The following PTPRT variants were observed in gnomAD, a reference collection of about 807,000 sequenced individuals.
PTPRT encodes protein tyrosine phosphatase receptor type T.
PTPRT carries 56 observed loss-of-function variants against 176.8 expected under a neutral mutation model. That is an observed-to-expected ratio of 0.32 (90% CI 0.26 to 0.40). PTPRT has a LOEUF of 0.40. PTPRT is among the 10% of genes least tolerant of loss of function. The pLI, the probability that PTPRT is intolerant of heterozygous loss-of-function variation, is 1.00. For missense variants in PTPRT, 1,540 were observed against 1,908.2 expected, an observed-to-expected ratio of 0.81 and a Z score of 3.60; for synonymous variants, 783 against 739.0, an observed-to-expected ratio of 1.06 and a Z score of -0.96.
chr20:42,703,716 T>G (rs1048559253), intron 6 of PTPRT, among the ~76,000 whole-genome samples: 2 of 152,188 alleles, frequency 1.3e-5, no homozygotes, highest in African/African-American at 4.8e-5. Context: ...TCCAAGGCCA[T>G]ACAAGAATCC....
chr20:42,764,006 G>T (rs1263842815), intron 5 of PTPRT, among the ~76,000 whole-genome samples: 1 of 152,186 alleles, frequency 6.6e-6, no homozygotes, highest in Non-Finnish European at 1.5e-5. Flanking sequence ...CTCTGACCCA[G>T]AAGTTTCATG....
the PTPRT span, among the ~76,000 whole-genome samples, chr20:42,032,285 C>T: frequency 6.6e-6 from 1 of 152,042 alleles, no homozygotes; most frequent in Non-Finnish European, 1.5e-5. Flanking sequence ...TGATGGTCAT[C>T]CCAAAACATA....
At chr20:42,432,354 C>A (rs6093642) in intron 9 of PTPRT, among the ~76,000 whole-genome samples, 1 of 152,208 alleles carries the variant, frequency 6.6e-6, no homozygotes, top group Non-Finnish European at 1.5e-5. Context: ...CCTCAGAGAC[C>A]TGAGACCACT....
intron 13 of PTPRT, among the ~76,000 whole-genome samples, chr20:42,280,906 T>C (rs891089670): frequency 6.6e-6 from 1 of 152,092 alleles, no homozygotes; most frequent in African/African-American, 2.4e-5. Flanking sequence ...AGCTACCCTC[T>C]AATAGAGCTT....
At chr20:42,502,186 T>A (rs191434264) in intron 7 of PTPRT, among the ~76,000 whole-genome samples, 2 of 152,110 alleles carry the variant, frequency 1.3e-5, no homozygotes, top group Non-Finnish European at 2.9e-5. Flanking sequence ...TCATTCATCA[T>A]TAAGTATTTT....
intron 1 of PTPRT, among the ~76,000 whole-genome samples, chr20:42,938,959 C>G (rs528873437): frequency 6.6e-6 from 1 of 152,116 alleles, no homozygotes; most frequent in Non-Finnish European, 1.5e-5. Flanking sequence ...CACTTACTGG[C>G]GGCAGTTTAA....
At chr20:43,133,527 C>T (rs893546805) in intron 1 of PTPRT, among the ~76,000 whole-genome samples, 3 of 152,140 alleles carry the variant, frequency 2.0e-5, no homozygotes, top group African/African-American at 4.8e-5. Context: ...AGGCGGATCA[C>T]GAGGTCAGGA....
At chr20:42,381,641 G>A (rs973319830) in intron 9 of PTPRT, among the ~76,000 whole-genome samples, 1 of 152,098 alleles carries the variant, frequency 6.6e-6, no homozygotes, top group Non-Finnish European at 1.5e-5. Flanking sequence ...TAGGGTGAGT[G>A]AAAGGAAGGG....
At chr20:42,245,638 C>T (rs1460128129) in intron 14 of PTPRT, among the ~76,000 whole-genome samples, 1 of 152,140 alleles carries the variant, frequency 6.6e-6, no homozygotes, top group Non-Finnish European at 1.5e-5. Context: ...GGATCTCAAG[C>T]CCATTCTCTG....
Position 42,287,231 on chromosome 20 carries a change from C to T in PTPRT, c.2140-4706G>A, listed in dbSNP as rs141289306. Among the ~76,000 whole-genome samples the T allele has an allele frequency of 2.7e-3, 405 of 151,980 alleles. 2 individuals carry two copies. The highest frequency in any genetic ancestry group is 9.3e-3 in the African/African-American group (387 of 41,526). On this transcript the variant is annotated intron_variant, in intron 12 of 30. Coordinates refer to ENST00000373187, the MANE Select transcript of PTPRT (RefSeq NM_007050.6). ...ATTATATGATCCAGCAATCTTACTA[C>T]TGGGCATTTATCCAAAGGAAGATAA... is the stretch of plus-strand genomic sequence containing the variant.
At chr20:42,570,447 C>A (rs992676182) in intron 7 of PTPRT, among the ~76,000 whole-genome samples, 1 of 152,198 alleles carries the variant, frequency 6.6e-6, no homozygotes, top group Non-Finnish European at 1.5e-5. Flanking sequence ...AAGTTTCTGA[C>A]TCCACCAAAC....
intron 1 of PTPRT, among the ~76,000 whole-genome samples, chr20:42,889,535 G>A (rs1297142835): frequency 6.6e-6 from 1 of 152,138 alleles, no homozygotes; most frequent in Admixed American, 6.5e-5. Context: ...ACAGAAAATG[G>A]GGACCGTAAG....
At chr20:42,950,931 A>T (rs1981199504) in intron 1 of PTPRT, among the ~76,000 whole-genome samples, 1 of 152,248 alleles carries the variant, frequency 6.6e-6, no homozygotes, top group Admixed American at 6.5e-5. Context: ...GTGTTAACTC[A>T]TGAAAATTGT....
At chr20:42,102,093 G>C in intron 26 of PTPRT, 31 bp downstream of exon 26, 1 of 1,600,358 alleles carries the variant, frequency 6.2e-7, no homozygotes, top group Non-Finnish European at 8.6e-7. Context: ...TAGAATGCCA[G>C]CTAGGAGCTT....
chr20:42,183,777 G>A (rs1990617767), intron 16 of PTPRT, among the ~76,000 whole-genome samples: 1 of 152,136 alleles, frequency 6.6e-6, no homozygotes, highest in African/African-American at 2.4e-5. Flanking sequence ...AGGCTAATAT[G>A]TGACTGCTTT....
At chr20:42,408,609 T>TA (rs138043087) in intron 9 of PTPRT, among the ~76,000 whole-genome samples, 59,870 of 151,382 alleles carry the variant, frequency 0.4, 13,185 homozygotes, top group Admixed American at 0.51. Context: ...TCCTGTGTTT[T>TA]TTTTTTTCCT....
At chr20:42,602,685 A>G (rs1265148602) in intron 7 of PTPRT, among the ~76,000 whole-genome samples, 1 of 151,988 alleles carries the variant, frequency 6.6e-6, no homozygotes, top group East Asian at 1.9e-4. Context: ...TTTTTCTCCT[A>G]TAGCTACATA....
chr20:42,088,567 T>A (rs1464119244), intron 27 of PTPRT, among the ~76,000 whole-genome samples: 1 of 152,240 alleles, frequency 6.6e-6, no homozygotes, highest in African/African-American at 2.4e-5. Flanking sequence ...AGCTTAGGAA[T>A]ATTCACCTTA....
At chr20:42,591,747 G>A (rs999800658) in intron 7 of PTPRT, among the ~76,000 whole-genome samples, 1 of 152,104 alleles carries the variant, frequency 6.6e-6, no homozygotes, top group African/African-American at 2.4e-5. Flanking sequence ...CTAACCTGAG[G>A]CTCACTTCTT....
Sources: allele counts gnomAD v4.1 joint callset (sites outside exome capture counted in the v4.1 genomes callset), GRCh38; gene constraint gnomAD v4.1.1; transcripts MANE v1.5; gene names NCBI Gene and HGNC (gene_info 2026-07-23, HGNC 2026-07-21).